Variants in RANBP2 observed in about 807,000 individuals in gnomAD.
RANBP2 encodes the protein E3 SUMO-protein ligase RanBP2.
Under a neutral mutation model 303.6 loss-of-function variants are expected in RANBP2, and 57 were observed. The observed-to-expected ratio is 0.19, with a 90% CI of 0.15 to 0.23. The LOEUF (loss-of-function observed/expected upper bound fraction) is 0.23, where lower values mean the gene tolerates loss of function less well. Ranked by LOEUF, RANBP2 falls within the 10% of genes least tolerant of loss-of-function variation. The pLI is 1.00. For missense variants in RANBP2, 3,138 were observed against 3,780.8 expected, an observed-to-expected ratio of 0.83 and a Z score of 4.46; for synonymous variants, 1,167 against 1,301.5, an observed-to-expected ratio of 0.90 and a Z score of 2.23.
At chr2:109,130,165 G>A in the RANBP2 span, 1 of 1,254,548 alleles carries the variant, frequency 8.0e-7, no homozygotes, top group African/African-American at 1.6e-5. Context: ...GTGTGTGGGT[G>A]GGTGCTTGGG....
the RANBP2 span, among the ~76,000 whole-genome samples, chr2:109,663,764 A>G: frequency 6.6e-6 from 1 of 152,204 alleles, no homozygotes; most frequent in South Asian, 2.1e-4. Flanking sequence ...AGGTTGATAG[A>G]ACACCTAAAT....
chr2:109,447,128 A>G, the RANBP2 span, among the ~76,000 whole-genome samples: 3 of 148,258 alleles, frequency 2.0e-5, no homozygotes, highest in African/African-American at 5.1e-5. Context: ...TTTCCAACCC[A>G]GCTGAAGCCC....
the RANBP2 span, among the ~76,000 whole-genome samples, chr2:109,236,189 T>C: frequency 2.4e-4 from 36 of 152,230 alleles, no homozygotes; most frequent in African/African-American, 8.7e-4. Flanking sequence ...AAGAAAACTT[T>C]CTGGAAGTGA....
chr2:108,995,492 C>A, the RANBP2 span, among the ~76,000 whole-genome samples: 1 of 152,190 alleles, frequency 6.6e-6, no homozygotes, highest in Admixed American at 6.5e-5. Context: ...AAGCTGTGGT[C>A]AGCAAAAGAA....
At chr2:109,539,748 C>A in the RANBP2 span, among the ~76,000 whole-genome samples, 2 of 152,154 alleles carry the variant, frequency 1.3e-5, no homozygotes, top group Non-Finnish European at 2.9e-5. Flanking sequence ...CGGCCGCAAC[C>A]AGTTTTGTCC....
Position 108,775,946 on chromosome 2 carries a change from G to GAT in RANBP2, c.8497+15_8497+16dup, listed in dbSNP as rs762954466. 8 of 1,599,528 alleles carry GAT rather than the reference G, an allele frequency of 5.0e-6. No homozygotes were observed. The highest frequency in any genetic ancestry group is 6.8e-6 in the Non-Finnish European group (8 of 1,174,252). On this transcript the variant is annotated intron_variant, in intron 24 of 28. Coordinates refer to ENST00000283195, the MANE Select transcript of RANBP2 (RefSeq NM_006267.5). ...GATTCTACAAGCCAAGGTAAATCTT[G>GAT]ATATATGTTTATCATGTGTTACATA...
the RANBP2 span, among the ~76,000 whole-genome samples, chr2:108,849,833 A>G: frequency 6.6e-6 from 1 of 152,236 alleles, no homozygotes; most frequent in East Asian, 1.9e-4. Flanking sequence ...GCCAAGGTAC[A>G]TGCTGCTGCC....
In RANBP2 at chr2:108,784,133, C is replaced by T. The variant is rs746036138; in HGVS notation, c.*232C>T. 4 of 491,086 alleles carry T rather than the reference C, an allele frequency of 8.1e-6. No homozygotes were observed. Among genetic ancestry groups the T allele is most frequent in the Non-Finnish European group, 1.5e-5 (4 of 274,674 alleles). 30.4% of individuals were successfully genotyped at this position (491,086 alleles called of 1,614,324 possible). A position where few individuals can be genotyped will look rare whatever the true frequency, so the allele number is the denominator to read the frequency against. Reference sequence around the variant, plus strand: ...TCAGGTGTACTTGTGTTTATGTACTCCTGACGTATTAAAATGGAATAATAC... The same window carrying T: ...TCAGGTGTACTTGTGTTTATGTACTTCTGACGTATTAAAATGGAATAATAC... On this transcript the variant is annotated 3_prime_UTR_variant, in exon 29 of 29. Coordinates refer to ENST00000283195, the MANE Select transcript of RANBP2 (RefSeq NM_006267.5).
the RANBP2 span, among the ~76,000 whole-genome samples, chr2:109,243,693 G>A: frequency 6.6e-6 from 1 of 152,190 alleles, no homozygotes; most frequent in African/African-American, 2.4e-5. Flanking sequence ...GGGGACAATC[G>A]CCTGGTACAG....
chr2:108,739,540 A>G (rs1335003681), intron 6 of RANBP2, among the ~76,000 whole-genome samples: 1 of 152,198 alleles, frequency 6.6e-6, no homozygotes, highest in Non-Finnish European at 1.5e-5. Context: ...ACCCTCAGAG[A>G]TCTTTAGACC....
chr2:109,547,008 G>A, the RANBP2 span, among the ~76,000 whole-genome samples: 1 of 152,116 alleles, frequency 6.6e-6, no homozygotes, highest in African/African-American at 2.4e-5. Flanking sequence ...CTCCCTTTAG[G>A]CGCCTAAAGG....
At chr2:109,650,031 C>CA in the RANBP2 span, among the ~76,000 whole-genome samples, 1 of 152,164 alleles carries the variant, frequency 6.6e-6, no homozygotes, top group African/African-American at 2.4e-5. Flanking sequence ...AGAACAGTCT[C>CA]AATTTTGGAT....
At chr2:109,766,881 A>G in the RANBP2 span, among the ~76,000 whole-genome samples, 2 of 149,916 alleles carry the variant, frequency 1.3e-5, no homozygotes, top group Non-Finnish European at 2.9e-5. Flanking sequence ...TAATGGTAAC[A>G]TAATTTTTTT....
At chr2:109,280,224 T>C in the RANBP2 span, among the ~76,000 whole-genome samples, 1 of 152,294 alleles carries the variant, frequency 6.6e-6, no homozygotes, top group East Asian at 1.9e-4. Context: ...ACAGAACACC[T>C]GGCTGTGGAG....
chr2:109,624,863 C>A, the RANBP2 span, among the ~76,000 whole-genome samples: 22,937 of 151,854 alleles, frequency 0.15, 2,188 homozygotes, highest in Non-Finnish European at 0.22. Flanking sequence ...GGCAGATCAC[C>A]TGAGGTCAGG....
the RANBP2 span, among the ~76,000 whole-genome samples, chr2:109,662,870 G>A: frequency 6.6e-6 from 1 of 152,246 alleles, no homozygotes; most frequent in Non-Finnish European, 1.5e-5. Flanking sequence ...GATTGCCATG[G>A]CTTCCTAATG....
At chr2:109,634,764 G>A in the RANBP2 span, among the ~76,000 whole-genome samples, 2 of 152,114 alleles carry the variant, frequency 1.3e-5, no homozygotes, top group African/African-American at 2.4e-5. Flanking sequence ...AACATGGGAA[G>A]GAGGCTTAGA....
chr2:108,719,704 G>T (rs756583952), intron 1 of RANBP2, 26 bp downstream of exon 1: 3 of 1,580,168 alleles, frequency 1.9e-6, no homozygotes, highest in African/African-American at 1.3e-5. Context: ...AGAGACCGAC[G>T]GCCTCGACCT....
At chr2:109,728,614 C>G in the RANBP2 span, among the ~76,000 whole-genome samples, 1 of 151,188 alleles carries the variant, frequency 6.6e-6, no homozygotes, top group South Asian at 2.1e-4. Context: ...CGCCACCGCA[C>G]CTGGCTAATT....
Sources: allele counts gnomAD v4.1 joint callset (sites outside exome capture counted in the v4.1 genomes callset), GRCh38; gene constraint gnomAD v4.1.1; transcripts MANE v1.5; gene names NCBI Gene and HGNC (gene_info 2026-07-23, HGNC 2026-07-21).